The following NRG1 variants were observed in gnomAD, a reference collection of about 807,000 sequenced individuals.
The protein encoded by NRG1 is neuregulin 1, also known as pro-neuregulin-1, membrane-bound isoform.
In NRG1, 18 loss-of-function variants were observed where a neutral mutation model predicts 63.8. The ratio of observed to expected loss-of-function variants is 0.28; its 90% CI spans 0.19 to 0.42. NRG1 has a LOEUF of 0.42. Ranked by LOEUF, NRG1 falls within the 10% of genes least tolerant of loss-of-function variation. The pLI, the probability that NRG1 is intolerant of heterozygous loss-of-function variation, is 1.00. For missense variants in NRG1, 762 were observed against 814.7 expected, an observed-to-expected ratio of 0.94 and a Z score of 0.79; for synonymous variants, 302 against 301.3, an observed-to-expected ratio of 1.00 and a Z score of -0.02.
intron 1 of NRG1, among the ~76,000 whole-genome samples, chr8:32,314,662 G>T (rs776705788): frequency 6.6e-6 from 1 of 152,088 alleles, no homozygotes; most frequent in Non-Finnish European, 1.5e-5. Flanking sequence ...CTTCATAATA[G>T]AAATGCTAAA....
intron 1 of NRG1, among the ~76,000 whole-genome samples, chr8:32,209,726 C>G (rs1563911846): frequency 9.0e-6 from 1 of 111,114 alleles, no homozygotes; most frequent in Non-Finnish European, 1.9e-5. Context: ...TCCTTCCTTC[C>G]TTCCTTCCTT....
intron 5 of NRG1, among the ~76,000 whole-genome samples, chr8:32,709,489 C>T (rs1429800283): frequency 6.6e-6 from 1 of 152,052 alleles, no homozygotes; most frequent in African/African-American, 2.4e-5. Context: ...GCATGAACTA[C>T]AGCCTCAATT....
chr8:31,711,517 G>A (rs1811740033), intron 1 of NRG1, among the ~76,000 whole-genome samples: 1 of 152,086 alleles, frequency 6.6e-6, no homozygotes. Context: ...ATAACTGTCT[G>A]GGTTGTCTAC....
At chr8:31,763,198 C>A (rs1259962158) in intron 1 of NRG1, among the ~76,000 whole-genome samples, 1 of 152,070 alleles carries the variant, frequency 6.6e-6, no homozygotes, top group African/African-American at 2.4e-5. Context: ...CTATAATAAA[C>A]CTACAGCAAA....
intron 1 of NRG1, among the ~76,000 whole-genome samples, chr8:31,896,587 T>A (rs1390309700): frequency 6.6e-6 from 1 of 152,242 alleles, no homozygotes. Flanking sequence ...TAGAATAACC[T>A]GGAGGGTTTG....
At chr8:32,321,405 G>C (rs1258764476) in intron 1 of NRG1, among the ~76,000 whole-genome samples, 6 of 150,964 alleles carry the variant, frequency 4.0e-5, no homozygotes, top group African/African-American at 1.5e-4. Context: ...TGGCAAATTA[G>C]TTGATACTCT....
At chr8:32,749,191 A>T (rs1828175718) in intron 7 of NRG1, 2 of 184,986 alleles carry the variant, frequency 1.1e-5, no homozygotes, top group South Asian at 2.9e-4. Context: ...TCTGCCTTTT[A>T]AAAAAAGGAA....
chr8:32,384,545 G>T (rs1436898673), intron 1 of NRG1, among the ~76,000 whole-genome samples: 4 of 152,200 alleles, frequency 2.6e-5, no homozygotes, highest in Non-Finnish European at 5.9e-5. Context: ...GCAGTTGAAA[G>T]CTCTCTGATA....
At chr8:32,104,849 C>G (rs1172581440) in intron 1 of NRG1, among the ~76,000 whole-genome samples, 1 of 151,978 alleles carries the variant, frequency 6.6e-6, no homozygotes, top group African/African-American at 2.4e-5. Context: ...TCTCCTATAA[C>G]AATGCCTTCT....
chr8:32,472,997 G>A (rs1463708835), intron 1 of NRG1, among the ~76,000 whole-genome samples: 2 of 152,308 alleles, frequency 1.3e-5, no homozygotes, highest in South Asian at 2.1e-4. Context: ...GTTTATGAAT[G>A]ACAAATGGGT....
intron 1 of NRG1, among the ~76,000 whole-genome samples, chr8:32,475,412 C>T (rs933235492): frequency 1.4e-5 from 2 of 142,066 alleles, no homozygotes; most frequent in Non-Finnish European, 3.0e-5. Flanking sequence ...TTGCAGTGAC[C>T]TGAGATCACG....
chr8:32,573,302 A>G (rs931656086), intron 1 of NRG1, among the ~76,000 whole-genome samples: 11 of 152,310 alleles, frequency 7.2e-5, no homozygotes, highest in African/African-American at 9.6e-5. Context: ...TAGAGACCCA[A>G]CTCTGCAGTT....
intron 1 of NRG1, among the ~76,000 whole-genome samples, chr8:31,912,023 A>G (rs995197111): frequency 6.6e-6 from 1 of 152,156 alleles, no homozygotes; most frequent in African/African-American, 2.4e-5. Flanking sequence ...TAATTTCCTT[A>G]TCTGAAAATG....
intron 1 of NRG1, among the ~76,000 whole-genome samples, chr8:32,505,686 C>A (rs1828430774): frequency 6.6e-6 from 1 of 152,156 alleles, no homozygotes; most frequent in Admixed American, 6.5e-5. Context: ...GTATCTCCAG[C>A]GTTACACAAA....
chr8:31,692,831 T>A (rs1337068904), intron 1 of NRG1, among the ~76,000 whole-genome samples: 5 of 152,114 alleles, frequency 3.3e-5, no homozygotes, highest in African/African-American at 1.2e-4. Flanking sequence ...CCCTAGGTAG[T>A]GAAATCTTTG....
intron 1 of NRG1, among the ~76,000 whole-genome samples, chr8:31,735,647 C>T (rs1814584644): frequency 6.6e-6 from 1 of 151,968 alleles, no homozygotes; most frequent in Admixed American, 6.6e-5. Context: ...TGTGGTATAC[C>T]CTGTAGTTAT....
At chr8:32,355,181 G>T (rs1394459339) in intron 1 of NRG1, among the ~76,000 whole-genome samples, 1 of 152,166 alleles carries the variant, frequency 6.6e-6, no homozygotes. Flanking sequence ...ATAGCAGTCT[G>T]GTTGTGGTGG....
chr8:32,404,585 C>CTTT (rs35437908), intron 1 of NRG1, among the ~76,000 whole-genome samples: 14,522 of 116,748 alleles, frequency 0.12, 1,329 homozygotes, highest in African/African-American at 0.22. Flanking sequence ...TCTTCTTCAT[C>CTTT]TTTTTTTTTT....
At chr8:32,190,197 T>C (rs1167685373) in intron 1 of NRG1, among the ~76,000 whole-genome samples, 4 of 150,894 alleles carry the variant, frequency 2.7e-5, no homozygotes, top group African/African-American at 9.7e-5. Flanking sequence ...ATTATTATTA[T>C]TAATTTTTTT....
Sources: allele counts gnomAD v4.1 joint callset (sites outside exome capture counted in the v4.1 genomes callset), GRCh38; gene constraint gnomAD v4.1.1; transcripts MANE v1.5; gene names NCBI Gene and HGNC (gene_info 2026-07-23, HGNC 2026-07-21).